Variants in GPC5 observed in about 807,000 individuals in gnomAD.
GPC5 encodes the protein glypican-5.
In GPC5, 47 loss-of-function variants were observed where a neutral mutation model predicts 53.9. That is an observed-to-expected ratio of 0.87 (90% CI 0.69 to 1.11). GPC5 has a LOEUF of 1.11. Ranked by LOEUF, GPC5 falls within the 50% of genes most tolerant of loss-of-function variation. The pLI is 0.00. For synonymous variants in GPC5, 286 were observed against 263.3 expected (o/e 1.09, Z -0.84); for missense variants, 748 against 713.1 (o/e 1.05, Z -0.56).
intron 2 of GPC5, among the ~76,000 whole-genome samples, chr13:91,554,705 C>T (rs2030845156): frequency 6.6e-6 from 1 of 152,084 alleles, no homozygotes; most frequent in Non-Finnish European, 1.5e-5. Flanking sequence ...GTAACTTCAG[C>T]TTGTTAGACT....
chr13:92,108,248 C>A (rs957539931), intron 6 of GPC5, among the ~76,000 whole-genome samples: 3 of 152,094 alleles, frequency 2.0e-5, no homozygotes, highest in Non-Finnish European at 4.4e-5. Context: ...ATGTCAACTG[C>A]GTGATGGGTA....
At chr13:91,480,316 T>G (rs1273942308) in intron 2 of GPC5, among the ~76,000 whole-genome samples, 1 of 152,218 alleles carries the variant, frequency 6.6e-6, no homozygotes, top group Non-Finnish European at 1.5e-5. Context: ...TGTAGAGAAA[T>G]AGAAGACCAA....
At chr13:92,253,269 T>A (rs1017302377) in intron 7 of GPC5, among the ~76,000 whole-genome samples, 2 of 151,918 alleles carry the variant, frequency 1.3e-5, no homozygotes, top group African/African-American at 4.8e-5. Flanking sequence ...AACTGTGGAC[T>A]GGGAAAGATA....
At chr13:92,830,035 A>T (rs1181922010) in intron 7 of GPC5, among the ~76,000 whole-genome samples, 5 of 152,148 alleles carry the variant, frequency 3.3e-5, no homozygotes, top group Admixed American at 1.3e-4. Context: ...TAATGTCAAA[A>T]ACAAGTCAAG....
At chr13:92,364,600 A>G (rs2139286007) in intron 7 of GPC5, among the ~76,000 whole-genome samples, 1 of 151,672 alleles carries the variant, frequency 6.6e-6, no homozygotes, top group South Asian at 2.1e-4. Flanking sequence ...CGTGGTGGCA[A>G]GAACCTGTAG....
At chr13:92,446,244 C>T (rs1345959459) in intron 7 of GPC5, among the ~76,000 whole-genome samples, 2 of 151,332 alleles carry the variant, frequency 1.3e-5, no homozygotes, top group Non-Finnish European at 2.9e-5. Context: ...CTGCCTTAAC[C>T]CCCTGGTACC....
At chr13:92,170,357 T>G (rs545502796) in intron 7 of GPC5, among the ~76,000 whole-genome samples, 33 of 151,746 alleles carry the variant, frequency 2.2e-4, no homozygotes, top group Middle Eastern at 3.4e-3. Context: ...TAATTACATT[T>G]TTTTCTAAGA....
At position 91,411,784 on chromosome 13, in the gene GPC5, G is replaced by A. The variant is rs142931849; in HGVS notation, c.163+12575G>A. On this transcript the variant is annotated intron_variant, in intron 1 of 7. Transcript: ENST00000377067. ...AAATTTTATTAAATCTAATTTTAGG[G>A]TGCCAGTCTATTTTCTCCCAGGATT... is the stretch of plus-strand genomic sequence containing the variant. Among the ~76,000 whole-genome samples, 15 of 152,136 alleles carry A rather than the reference G, an allele frequency of 9.9e-5. No individual in the cohort carries two copies. In the East Asian group the frequency reaches 2.9e-3, roughly 29 times the overall value.
chr13:91,473,434 G>A (rs1882752729), intron 2 of GPC5, among the ~76,000 whole-genome samples: 1 of 152,090 alleles, frequency 6.6e-6, no homozygotes, highest in Non-Finnish European at 1.5e-5. Context: ...ATATAACATG[G>A]TTGGTTATAG....
At chr13:91,710,501 G>A (rs2036201860) in intron 3 of GPC5, among the ~76,000 whole-genome samples, 1 of 152,152 alleles carries the variant, frequency 6.6e-6, no homozygotes, top group African/African-American at 2.4e-5. Context: ...AAGGGCAAGA[G>A]AAAAATAATA....
intron 7 of GPC5, among the ~76,000 whole-genome samples, chr13:92,737,930 C>T (rs1888983975): frequency 6.6e-6 from 1 of 151,416 alleles, no homozygotes; most frequent in Admixed American, 6.6e-5. Flanking sequence ...CCATGCCTGC[C>T]TAATTTTGTA....
chr13:92,564,642 C>T (rs1882808370), intron 7 of GPC5, among the ~76,000 whole-genome samples: 1 of 151,916 alleles, frequency 6.6e-6, no homozygotes, highest in Admixed American at 6.6e-5. Context: ...GCAGAGTACC[C>T]AATGGGTAGT....
At chr13:91,476,935 A>G (rs1440399357) in intron 2 of GPC5, among the ~76,000 whole-genome samples, 1 of 152,212 alleles carries the variant, frequency 6.6e-6, no homozygotes, top group African/African-American at 2.4e-5. Flanking sequence ...CATGTTAGGG[A>G]TTCTAGACTT....
chr13:92,091,734 A>T (rs1044298716), intron 6 of GPC5, among the ~76,000 whole-genome samples: 2 of 151,616 alleles, frequency 1.3e-5, no homozygotes, highest in Non-Finnish European at 2.9e-5. Flanking sequence ...CAATGCACAA[A>T]TCAATCAAGA....
intron 7 of GPC5, among the ~76,000 whole-genome samples, chr13:92,183,324 G>A (rs1348542040): frequency 1.3e-5 from 2 of 152,114 alleles, no homozygotes; most frequent in Non-Finnish European, 2.9e-5. Flanking sequence ...CCCAACCATG[G>A]AAGGCTGAGG....
chr13:91,655,096 A>G (rs1202622152), intron 2 of GPC5, among the ~76,000 whole-genome samples: 1 of 152,198 alleles, frequency 6.6e-6, no homozygotes, highest in Non-Finnish European at 1.5e-5. Flanking sequence ...GGTACAAATA[A>G]GAAAGTGATC....
At chr13:92,504,973 A>ATT (rs1294728516) in intron 7 of GPC5, among the ~76,000 whole-genome samples, 1 of 148,580 alleles carries the variant, frequency 6.7e-6, no homozygotes, top group African/African-American at 2.6e-5. Context: ...ATCTATATAT[A>ATT]TTTATATATA....
chr13:91,928,199 C>T (rs1333149300), intron 6 of GPC5, among the ~76,000 whole-genome samples: 3 of 152,172 alleles, frequency 2.0e-5, no homozygotes, highest in Non-Finnish European at 2.9e-5. Context: ...ATCAGCCACT[C>T]TCCTTCCCCA....
At chr13:91,967,113 T>G (rs975761745) in intron 6 of GPC5, among the ~76,000 whole-genome samples, 2 of 152,042 alleles carry the variant, frequency 1.3e-5, no homozygotes, top group Admixed American at 1.3e-4. Flanking sequence ...TGGCAGAAGG[T>G]GAAAGCCGTG....
Sources: gnomAD v4.1 joint callset for allele counts (sites outside exome capture counted in the v4.1 genomes callset) on GRCh38, gnomAD v4.1.1 for gene constraint, MANE v1.5 for transcripts, NCBI Gene and HGNC (gene_info 2026-07-23, HGNC 2026-07-21) for gene names.